The following SLC13A3 variants were observed in gnomAD, a reference collection of about 807,000 sequenced individuals.
SLC13A3 encodes the protein Na(+)/dicarboxylate cotransporter 3.
Under a neutral mutation model 59.0 loss-of-function variants are expected in SLC13A3, and 40 were observed. The observed-to-expected ratio is 0.68, with a 90% CI of 0.53 to 0.88. SLC13A3 has a LOEUF of 0.88. SLC13A3 is among the 40% of genes least tolerant of loss of function. The pLI is 0.00. For synonymous variants in SLC13A3, 317 were observed against 330.3 expected, an observed-to-expected ratio of 0.96 and a Z score of 0.44; for missense variants, 699 against 783.2, an observed-to-expected ratio of 0.89 and a Z score of 1.28.
At chr20:46,602,589 G>A (rs2062390189) in intron 3 of SLC13A3, among the ~76,000 whole-genome samples, 1 of 152,080 alleles carries the variant, frequency 6.6e-6, no homozygotes, top group African/African-American at 2.4e-5. Flanking sequence ...AGTTCCCAGC[G>A]AGGGCCAATT....
At chr20:46,627,249 A>T (rs2062683201) in intron 1 of SLC13A3, among the ~76,000 whole-genome samples, 1 of 152,240 alleles carries the variant, frequency 6.6e-6, no homozygotes, top group Non-Finnish European at 1.5e-5. Context: ...TTTAATGAGT[A>T]ATATGGGCTG....
chr20:46,627,624 C>CA (rs3092227), intron 1 of SLC13A3, among the ~76,000 whole-genome samples: 20,969 of 147,508 alleles, frequency 0.14, 1,708 homozygotes, highest in East Asian at 0.45. Flanking sequence ...GTGGGCCAAT[C>CA]AAAAAAAAAA....
intron 1 of SLC13A3, among the ~76,000 whole-genome samples, chr20:46,616,690 G>T (rs2062559004): frequency 6.6e-6 from 1 of 152,346 alleles, no homozygotes; most frequent in Middle Eastern, 3.4e-3. Context: ...ATGTGGGGAA[G>T]CAGTGGCACA....
chr20:46,662,072 T>C (rs2063034011), intron 1 of SLC13A3, among the ~76,000 whole-genome samples: 1 of 152,204 alleles, frequency 6.6e-6, no homozygotes, highest in African/African-American at 2.4e-5. Flanking sequence ...GGTTTCTTCC[T>C]GCCCATCCAT....
chr20:46,627,872 T>C (rs1185445825), intron 1 of SLC13A3, among the ~76,000 whole-genome samples: 1 of 152,222 alleles, frequency 6.6e-6, no homozygotes, highest in Non-Finnish European at 1.5e-5. Flanking sequence ...TTTACAGATA[T>C]AAACTGAGGT....
chr20:46,602,786 G>A lies in SLC13A3; in HGVS notation c.542-2749C>T, dbSNP rs188787855. The stretch of plus-strand genomic sequence containing the variant: ...CCCAAATGTCATTGGTAATGAAGTT[G>A]AGAAACCCTGGTTAGGGTATATCCC... On this transcript the variant is annotated intron_variant, in intron 3 of 12. Coordinates refer to ENST00000279027, the MANE Select transcript of SLC13A3 (RefSeq NM_022829.6). Among the ~76,000 whole-genome samples the A allele has an allele frequency of 6.6e-5, 10 of 152,276 alleles. No homozygotes were observed. In the East Asian group the frequency reaches 1.7e-3, roughly 26 times the overall value.
chr20:46,680,639 A>T (rs553222267), intron 1 of SLC13A3, among the ~76,000 whole-genome samples: 14 of 152,210 alleles, frequency 9.2e-5, no homozygotes, highest in Non-Finnish European at 1.6e-4. Flanking sequence ...AGTCCTGGCC[A>T]TCTCAGGCCA....
upstream of SLC13A3, among the ~76,000 whole-genome samples, chr20:46,654,385 G>A (rs1446809188): frequency 2.0e-5 from 3 of 152,106 alleles, no homozygotes; most frequent in Non-Finnish European, 4.4e-5. Context: ...CACTGGTATT[G>A]CCATTTAACC....
At chr20:46,672,207 GAAAT>G (rs2063096891), upstream of SLC13A3, among the ~76,000 whole-genome samples, 1 of 152,190 alleles carries the variant, frequency 6.6e-6, no homozygotes, top group African/African-American at 2.4e-5. Flanking sequence ...ACATGAGTGG[GAAAT>G]AAATATGAGA....
chr20:46,679,451 A>G (rs2063143156), intron 1 of SLC13A3, among the ~76,000 whole-genome samples: 1 of 152,030 alleles, frequency 6.6e-6, no homozygotes, highest in Non-Finnish European at 1.5e-5. Flanking sequence ...CGTCTCTACT[A>G]AAAAATACAA....
chr20:46,571,163 G>A (rs963762689), intron 10 of SLC13A3, among the ~76,000 whole-genome samples: 1 of 152,092 alleles, frequency 6.6e-6, no homozygotes, highest in Non-Finnish European at 1.5e-5. Context: ...AAGGGTAACC[G>A]CCCCCACGAT....
intron 11 of SLC13A3, among the ~76,000 whole-genome samples, chr20:46,565,741 C>T (rs369123401): frequency 2.0e-5 from 3 of 152,138 alleles, no homozygotes; most frequent in South Asian, 2.1e-4. Context: ...TTTAGGGAGG[C>T]GCCACTTGTC....
chr20:46,638,526 C>A (rs1041162542), intron 1 of SLC13A3, among the ~76,000 whole-genome samples: 1 of 152,232 alleles, frequency 6.6e-6, no homozygotes, highest in South Asian at 2.1e-4. Flanking sequence ...TCAGCTCCGT[C>A]CAGTGAAGCC....
intron 6 of SLC13A3, among the ~76,000 whole-genome samples, chr20:46,590,214 TA>T (rs989711986): frequency 1.3e-5 from 2 of 151,370 alleles, no homozygotes; most frequent in Non-Finnish European, 2.9e-5. Context: ...GGTTTAAATG[TA>T]AAAAAAAATA....
At chr20:46,669,347 C>T (rs2063078446) in intron 1 of SLC13A3, among the ~76,000 whole-genome samples, 1 of 151,926 alleles carries the variant, frequency 6.6e-6, no homozygotes, top group Admixed American at 6.6e-5. Context: ...ATCAAGGCAT[C>T]CCATACCATT....
At chr20:46,682,882 C>G (rs567108925) in intron 1 of SLC13A3, among the ~76,000 whole-genome samples, 69 of 152,238 alleles carry the variant, frequency 4.5e-4, no homozygotes, top group Non-Finnish European at 8.5e-4. Flanking sequence ...CCCCGGTGGA[C>G]GTCAAGGGAT....
intron 1 of SLC13A3, among the ~76,000 whole-genome samples, chr20:46,618,325 G>A (rs2062582431): frequency 6.6e-6 from 1 of 152,222 alleles, no homozygotes; most frequent in African/African-American, 2.4e-5. Context: ...CTCCCAGAGA[G>A]ACAAGGGCTA....
At chr20:46,590,819 G>A (rs1007232865) in intron 6 of SLC13A3, among the ~76,000 whole-genome samples, 10 of 151,954 alleles carry the variant, frequency 6.6e-5, no homozygotes, top group African/African-American at 2.2e-4. Context: ...AAAAATGCTT[G>A]CTTCCTTTGA....
At chr20:46,600,706 C>G (rs932397981) in intron 3 of SLC13A3, 8 of 342,960 alleles carry the variant, frequency 2.3e-5, no homozygotes, top group Admixed American at 2.2e-4. Flanking sequence ...TATTGAGCAC[C>G]TACTATGTGC....
Sources: allele counts gnomAD v4.1 joint callset (sites outside exome capture counted in the v4.1 genomes callset), GRCh38; gene constraint gnomAD v4.1.1; transcripts MANE v1.5; gene names NCBI Gene and HGNC (gene_info 2026-07-23, HGNC 2026-07-21).